The following PRICKLE2 variants were observed in gnomAD, a reference collection of about 807,000 sequenced individuals.
The protein encoded by PRICKLE2 is prickle-like protein 2.
A neutral mutation model predicts 81.4 loss-of-function variants in PRICKLE2; 21 were observed. The observed-to-expected ratio is 0.26, with a 90% CI of 0.18 to 0.37. The LOEUF is 0.37. Among genes scored for constraint, PRICKLE2 ranks in the 10% least tolerant of loss-of-function variants. The pLI, the probability that PRICKLE2 is intolerant of heterozygous loss-of-function variation, is 1.00. For synonymous variants in PRICKLE2, 456 were observed against 421.5 expected (o/e 1.08, Z -1.00); for missense variants, 940 against 1,109.0 (o/e 0.85, Z 2.16).
intron 1 of PRICKLE2, among the ~76,000 whole-genome samples, chr3:64,213,068 T>A (rs1478238062): frequency 1.4e-5 from 2 of 147,142 alleles, no homozygotes; most frequent in Non-Finnish European, 3.0e-5. Flanking sequence ...CTAATGACTG[T>A]TTTTTGTTCT....
rs145274849 is a variant in PRICKLE2 at position 64,160,921 on chromosome 3, T to C, written c.259-844A>G. Among the ~76,000 whole-genome samples the C allele has an allele frequency of 2.9e-3, 447 of 151,812 alleles. 2 individuals carry two copies. The highest frequency in any genetic ancestry group is 0.01 in the African/African-American group (420 of 41,432). ...TTTCAAAAGAAAGTATAACTATAAA[T>C]GGAAAACCAATATCACCCGTAAAAA... On this transcript the variant is annotated intron_variant, in intron 3 of 7. Coordinates refer to ENST00000638394, the MANE Select transcript of PRICKLE2 (RefSeq NM_198859.4).
intron 2 of PRICKLE2, among the ~76,000 whole-genome samples, chr3:64,241,173 A>G (rs1378307675): frequency 6.6e-6 from 1 of 152,210 alleles, no homozygotes; most frequent in African/African-American, 2.4e-5. Context: ...ACTTTATCAA[A>G]ACAGGCACCT....
intron 2 of PRICKLE2, among the ~76,000 whole-genome samples, chr3:64,263,606 G>C (rs11927182): frequency 6.6e-6 from 1 of 152,172 alleles, no homozygotes; most frequent in Non-Finnish European, 1.5e-5. Context: ...TTGAGCATTA[G>C]GAAATGGCTT....
At chr3:64,155,089 C>A (rs2077608319) in intron 5 of PRICKLE2, 1 of 134,876 alleles carries the variant, frequency 7.4e-6, no homozygotes, top group Admixed American at 8.8e-5. Context: ...GTAGAGGCTG[C>A]AGTGAGCCAA....
chr3:64,214,459 A>G (rs571564763), intron 1 of PRICKLE2, among the ~76,000 whole-genome samples: 1 of 152,312 alleles, frequency 6.6e-6, no homozygotes, highest in Admixed American at 6.5e-5. Flanking sequence ...AAGAAACAAA[A>G]CAAACAAAAT....
intron 6 of PRICKLE2, among the ~76,000 whole-genome samples, chr3:64,152,070 C>G (rs1372403903): frequency 1.3e-5 from 2 of 152,330 alleles, no homozygotes; most frequent in African/African-American, 4.8e-5. Flanking sequence ...TATCAGCACA[C>G]AGAGCTCTCC....
intron 7 of PRICKLE2, 195 bp downstream of exon 7, chr3:64,146,635 C>T (rs567535343): frequency 5.0e-6 from 3 of 596,456 alleles, no homozygotes; most frequent in Non-Finnish European, 8.7e-6. Context: ...CCCAACTACT[C>T]GTGAGGCTGA....
chr3:64,191,835 A>G (rs2078347347), intron 2 of PRICKLE2, among the ~76,000 whole-genome samples: 1 of 152,120 alleles, frequency 6.6e-6, no homozygotes, highest in Non-Finnish European at 1.5e-5. Context: ...TTTCCTCCTC[A>G]TGCCATGGCT....
intron 7 of PRICKLE2, among the ~76,000 whole-genome samples, chr3:64,106,540 C>G (rs182947023): frequency 6.6e-6 from 1 of 152,162 alleles, no homozygotes; most frequent in Non-Finnish European, 1.5e-5. Flanking sequence ...TCCACTTGAA[C>G]GCCAGCCACT....
intron 3 of PRICKLE2, among the ~76,000 whole-genome samples, chr3:64,162,511 C>T (rs1368693789): frequency 2.0e-5 from 3 of 152,166 alleles, no homozygotes; most frequent in Non-Finnish European, 4.4e-5. Flanking sequence ...CAGACTTCAC[C>T]ATGACAAAAA....
chr3:64,199,124 C>T, intron 1 of PRICKLE2, 157 bp from the exon 2 acceptor site: 2 of 704,404 alleles, frequency 2.8e-6, no homozygotes, highest in Non-Finnish European at 4.9e-6. Flanking sequence ...CAGAACATGA[C>T]TGTCTTTGCA....
intron 2 of PRICKLE2, among the ~76,000 whole-genome samples, chr3:64,230,678 C>A (rs1485740458): frequency 6.6e-6 from 1 of 152,178 alleles, no homozygotes; most frequent in Non-Finnish European, 1.5e-5. Flanking sequence ...GAATTCACAT[C>A]TGGCCCAATT....
intron 2 of PRICKLE2, among the ~76,000 whole-genome samples, chr3:64,262,429 G>A (rs1004362960): frequency 2.0e-5 from 3 of 152,048 alleles, no homozygotes; most frequent in African/African-American, 7.2e-5. Flanking sequence ...GAAGCCGATT[G>A]GACATCTAAT....
intron 2 of PRICKLE2, among the ~76,000 whole-genome samples, chr3:64,249,503 T>C (rs1350171654): frequency 2.6e-5 from 4 of 152,218 alleles, no homozygotes; most frequent in Non-Finnish European, 2.9e-5. Flanking sequence ...ACTGTCATTG[T>C]CTTGTCAAAT....
chr3:64,137,856 G>A (rs551363504), intron 7 of PRICKLE2, among the ~76,000 whole-genome samples: 1 of 152,266 alleles, frequency 6.6e-6, no homozygotes, highest in African/African-American at 2.4e-5. Flanking sequence ...CTTCCTTGGG[G>A]ATCTATGGGA....
intron 1 of PRICKLE2, among the ~76,000 whole-genome samples, chr3:64,218,498 G>T (rs2107145577): frequency 6.6e-6 from 1 of 152,302 alleles, no homozygotes; most frequent in Admixed American, 6.5e-5. Flanking sequence ...TGTGACCTCG[G>T]TCAAGTTATT....
At chr3:64,105,723 T>C (rs2076743585) in intron 7 of PRICKLE2, 1 of 152,240 alleles carries the variant, frequency 6.6e-6, no homozygotes, top group African/African-American at 2.4e-5. Flanking sequence ...AATTAGCAGC[T>C]GATACTGTCC....
rs575995688 is a variant in PRICKLE2, at chr3:64,173,457, C to A, written c.145-10328G>T. Among the ~76,000 whole-genome samples, 10 of 152,118 alleles carry A rather than the reference C, an allele frequency of 6.6e-5. No individual in the cohort carries two copies. In the South Asian group the frequency reaches 2.1e-3, roughly 32 times the overall value. ...GTGATGAATTTCAAGTATTTATCAT[C>A]TTTAAAAAATATAATTTATTTAATT... On this transcript the variant is annotated intron_variant, in intron 2 of 7. Coordinates refer to ENST00000638394, the MANE Select transcript of PRICKLE2 (RefSeq NM_198859.4).
At chr3:64,142,857 C>T (rs2077385081) in intron 7 of PRICKLE2, among the ~76,000 whole-genome samples, 1 of 152,158 alleles carries the variant, frequency 6.6e-6, no homozygotes, top group South Asian at 2.1e-4. Flanking sequence ...TACAGGAACA[C>T]CTTTATCCAC....
Sources: gnomAD v4.1 joint callset for allele counts (sites outside exome capture counted in the v4.1 genomes callset) on GRCh38, gnomAD v4.1.1 for gene constraint, MANE v1.5 for transcripts, NCBI Gene and HGNC (gene_info 2026-07-23, HGNC 2026-07-21) for gene names.